The following PELI2 variants were observed in gnomAD, a reference collection of about 807,000 sequenced individuals.
PELI2 encodes pellino E3 ubiquitin protein ligase family member 2.
Under a neutral mutation model 42.3 loss-of-function variants are expected in PELI2, and 23 were observed. The ratio of observed to expected loss-of-function variants is 0.54; its 90% CI spans 0.39 to 0.77. The LOEUF is 0.77. Among genes scored for constraint, PELI2 ranks in the 30% least tolerant of loss-of-function variants. PELI2 has a pLI of 0.00. For missense variants in PELI2, 463 were observed against 553.2 expected, an observed-to-expected ratio of 0.84 and a Z score of 1.64; for synonymous variants, 245 against 212.2, an observed-to-expected ratio of 1.15 and a Z score of -1.34.
At chr14:56,199,493 A>T (rs1190830660) in intron 2 of PELI2, among the ~76,000 whole-genome samples, 4 of 152,248 alleles carry the variant, frequency 2.6e-5, no homozygotes, top group African/African-American at 9.6e-5. Context: ...TATATCAGGA[A>T]TATTAAAATG....
At chr14:56,257,194 A>G (rs900691468) in intron 2 of PELI2, among the ~76,000 whole-genome samples, 3 of 152,192 alleles carry the variant, frequency 2.0e-5, no homozygotes, top group Non-Finnish European at 2.9e-5. Context: ...TTAATTGTGT[A>G]TGTATGTGCT....
chr14:56,264,900 G>C lies in PELI2; in HGVS notation c.208-14776G>C, dbSNP rs527764883. Among the ~76,000 whole-genome samples, 11 of 152,232 alleles carry C rather than the reference G, an allele frequency of 7.2e-5. No individual in the cohort carries two copies. In the East Asian group the frequency reaches 2.1e-3, roughly 29 times the overall value. ...TGACAACTTGATAGAATATAACTGT[G>C]AATGATGAGAATTGACTGCACTTAG... On this transcript the variant is annotated intron_variant, in intron 2 of 5. Transcript: ENST00000267460.
chr14:56,125,424 G>A (rs570478809), intron 1 of PELI2, among the ~76,000 whole-genome samples: 38 of 150,072 alleles, frequency 2.5e-4, no homozygotes, highest in African/African-American at 7.9e-4. Flanking sequence ...GCAGGGGGGG[G>A]GTGAATTGGC....
chr14:56,171,002 A>G (rs1885147010), intron 1 of PELI2, among the ~76,000 whole-genome samples: 2 of 152,222 alleles, frequency 1.3e-5, no homozygotes, highest in African/African-American at 4.8e-5. Flanking sequence ...TTATTTCTAC[A>G]AACTTACTGG....
At position 56,219,150 on chromosome 14, in the gene PELI2, A is replaced by ATT. The variant is rs3050314; in HGVS notation, c.207+40694_207+40695dup. Among the ~76,000 whole-genome samples, 14,879 of 150,046 alleles carry ATT rather than the reference A, an allele frequency of 0.099. 1,936 individuals carry two copies. Among genetic ancestry groups the ATT allele is most frequent in the African/African-American group, 0.3 (12,435 of 40,844 alleles). ...ATCCTGGTCTCTTAATTCCTTTTTT[A>ATT]TTTTTTTTTGGATGACTTGAGGACA... On this transcript the variant is annotated intron_variant, in intron 2 of 5. Coordinates refer to ENST00000267460, the MANE Select transcript of PELI2 (RefSeq NM_021255.3). The surrounding 1 kb of genome is among the most constrained non-coding windows in gnomAD (Gnocchi z 4.1).
rs1274185273 is a variant in PELI2, at chr14:56,258,289, G to GC, written c.208-21380dup. Among the ~76,000 whole-genome samples the GC allele has an allele frequency of 2.5e-3, 377 of 150,640 alleles. 2 individuals carry two copies. Among genetic ancestry groups the GC allele is most frequent in the African/African-American group, 8.2e-3 (336 of 40,948 alleles). ...AACACTCTTAACAAAATCAAGAACC[G>GC]CCCCCCCACCCCCGCAAAAAAAAAT... On this transcript the variant is annotated intron_variant, in intron 2 of 5. Transcript: ENST00000267460.
intron 2 of PELI2, among the ~76,000 whole-genome samples, chr14:56,254,153 C>T (rs1429974124): frequency 6.6e-6 from 1 of 152,174 alleles, no homozygotes; most frequent in East Asian, 1.9e-4. Flanking sequence ...GTAATCCCAA[C>T]ACTTTAGGAG....
intron 3 of PELI2, among the ~76,000 whole-genome samples, chr14:56,283,806 A>G (rs1268158730): frequency 1.3e-5 from 2 of 152,198 alleles, no homozygotes; most frequent in African/African-American, 4.8e-5. Flanking sequence ...AATATAACAC[A>G]TTACATTCAC....
intron 2 of PELI2, among the ~76,000 whole-genome samples, chr14:56,266,627 A>T (rs1417321591): frequency 4.6e-5 from 7 of 152,020 alleles, no homozygotes; most frequent in Non-Finnish European, 2.9e-5. Flanking sequence ...ACTCTCATAT[A>T]CTTCTGGTGA....
intron 1 of PELI2, among the ~76,000 whole-genome samples, chr14:56,143,427 T>C (rs1335615522): frequency 6.6e-6 from 1 of 152,242 alleles, no homozygotes; most frequent in East Asian, 1.9e-4. Flanking sequence ...GGGAGACACG[T>C]TGAGATGAAT....
chr14:56,222,196 A>T (rs1887159542), intron 2 of PELI2, among the ~76,000 whole-genome samples: 1 of 152,106 alleles, frequency 6.6e-6, no homozygotes, highest in Non-Finnish European at 1.5e-5. Context: ...CACCTCATTT[A>T]ATCTTCATGG....
At chr14:56,188,870 G>A (rs967814945) in intron 2 of PELI2, among the ~76,000 whole-genome samples, 4 of 152,138 alleles carry the variant, frequency 2.6e-5, no homozygotes, top group African/African-American at 9.7e-5. Context: ...TTATAAAATA[G>A]GGATTTAGGC....
Position 56,298,872 on chromosome 14 carries a change from GA to G in PELI2, c.*1710del, listed in dbSNP as rs1890092728. ...TGTTTGGGTAAATTTTAAATGGTGT[GA>G]AAATCGATGACAACAGTCCTCTTAC... is the stretch of plus-strand genomic sequence containing the variant. On this transcript the variant is annotated 3_prime_UTR_variant, in exon 6 of 6. Coordinates refer to ENST00000267460, the MANE Select transcript of PELI2 (RefSeq NM_021255.3). 1.3e-5 allele frequency: 2 copies of G among 152,186 alleles called. No homozygotes were observed. Among genetic ancestry groups the G allele is most frequent in the South Asian group, 2.1e-4 (1 of 4,828 alleles). 9.4% of individuals were successfully genotyped at this position (152,186 alleles called of 1,614,324 possible).
chr14:56,205,499 G>A (rs1053413068), intron 2 of PELI2, among the ~76,000 whole-genome samples: 2 of 152,116 alleles, frequency 1.3e-5, no homozygotes, highest in Non-Finnish European at 2.9e-5. Flanking sequence ...AGCTAGGACT[G>A]GACTGAAGAA....
intron 3 of PELI2, among the ~76,000 whole-genome samples, chr14:56,280,247 A>G (rs1889432512): frequency 6.6e-6 from 1 of 151,896 alleles, no homozygotes; most frequent in East Asian, 2.0e-4. Context: ...AGAGAAAGAA[A>G]GAAGATCAAG....
intron 2 of PELI2, among the ~76,000 whole-genome samples, chr14:56,253,690 G>A (rs1888429904): frequency 2.0e-5 from 3 of 152,132 alleles, no homozygotes; most frequent in Non-Finnish European, 4.4e-5. Context: ...ACTGCTCAAG[G>A]AAATAAGAGC....
chr14:56,258,214 T>C (rs1683989935), intron 2 of PELI2, among the ~76,000 whole-genome samples: 1 of 152,006 alleles, frequency 6.6e-6, no homozygotes, highest in African/African-American at 2.4e-5. Flanking sequence ...TAAAAGCAAG[T>C]CTTGGGAGAT....
At chr14:56,159,704 A>G (rs1476689080) in intron 1 of PELI2, among the ~76,000 whole-genome samples, 1 of 152,186 alleles carries the variant, frequency 6.6e-6, no homozygotes, top group East Asian at 1.9e-4. Context: ...TGTTATATTA[A>G]TATATACTTA....
intron 2 of PELI2, among the ~76,000 whole-genome samples, chr14:56,229,699 G>A (rs1887488918): frequency 6.6e-6 from 1 of 152,202 alleles, no homozygotes; most frequent in Non-Finnish European, 1.5e-5. Flanking sequence ...CTCCCCCAAA[G>A]GAATGCAGCT....
Sources: gnomAD v4.1 joint callset for allele counts (sites outside exome capture counted in the v4.1 genomes callset) on GRCh38, gnomAD v4.1.1 for gene constraint, Gnocchi (gnomAD v3.1) non-coding constraint, MANE v1.5 for transcripts, NCBI Gene and HGNC (gene_info 2026-07-23, HGNC 2026-07-21) for gene names.